Variants in MAP3K5 observed in about 807,000 individuals in gnomAD.
MAP3K5 encodes the protein ASK-1.
Under a neutral mutation model 158.7 loss-of-function variants are expected in MAP3K5, and 56 were observed. That is an observed-to-expected ratio of 0.35 (90% confidence interval 0.28 to 0.44). The LOEUF (loss-of-function observed/expected upper bound fraction) is 0.44, where lower values mean the gene tolerates loss of function less well. Among genes scored for constraint, MAP3K5 ranks in the 20% least tolerant of loss-of-function variants. MAP3K5 has a pLI of 1.00. For synonymous variants in MAP3K5, 579 were observed against 601.7 expected, an observed-to-expected ratio of 0.96 and a Z score of 0.55; for missense variants, 1,294 against 1,674.8, an observed-to-expected ratio of 0.77 and a Z score of 3.97.
At chr6:136,732,811 C>T (rs547875269) in intron 1 of MAP3K5, among the ~76,000 whole-genome samples, 1 of 152,264 alleles carries the variant, frequency 6.6e-6, no homozygotes, top group South Asian at 2.1e-4. Context: ...ATTTTTTGAA[C>T]TCTTATCTGC....
chr6:136,672,059 C>G (rs1377417004), intron 7 of MAP3K5, among the ~76,000 whole-genome samples: 1 of 151,806 alleles, frequency 6.6e-6, no homozygotes, highest in Non-Finnish European at 1.5e-5. Flanking sequence ...GAAAAATTAC[C>G]CTAAATTTCC....
intron 25 of MAP3K5, among the ~76,000 whole-genome samples, chr6:136,572,589 T>TA (rs1180878015): frequency 1.3e-5 from 2 of 152,250 alleles, no homozygotes; most frequent in Non-Finnish European, 1.5e-5. Context: ...CTGTTGACTA[T>TA]AATCTCACTT....
intron 26 of MAP3K5, among the ~76,000 whole-genome samples, chr6:136,566,687 C>G (rs1774124227): frequency 6.6e-6 from 1 of 152,182 alleles, no homozygotes; most frequent in Admixed American, 6.5e-5. Flanking sequence ...TAAGACTGCT[C>G]TATGCACATC....
At chr6:136,606,259 G>T (rs1459587068) in intron 18 of MAP3K5, among the ~76,000 whole-genome samples, 2 of 152,160 alleles carry the variant, frequency 1.3e-5, no homozygotes, top group Non-Finnish European at 2.9e-5. Flanking sequence ...GCTGAGGCAG[G>T]AGAATCAGTT....
chr6:136,784,244 G>A (rs959330254), intron 1 of MAP3K5, among the ~76,000 whole-genome samples: 5 of 152,196 alleles, frequency 3.3e-5, no homozygotes, highest in Admixed American at 1.3e-4. Flanking sequence ...AAGCAGAGCC[G>A]GTCATGACAA....
At chr6:136,635,765 G>C (rs1248810742) in intron 14 of MAP3K5, among the ~76,000 whole-genome samples, 2 of 150,422 alleles carry the variant, frequency 1.3e-5, no homozygotes, top group African/African-American at 4.9e-5. Flanking sequence ...AGCCAGGTGT[G>C]GTGGCATGCT....
chr6:136,661,612 C>T (rs1779010920), intron 8 of MAP3K5, among the ~76,000 whole-genome samples: 2 of 152,022 alleles, frequency 1.3e-5, no homozygotes, highest in Admixed American at 6.5e-5. Context: ...GTTGCCCAGC[C>T]GAACTCCTGG....
chr6:136,736,151 G>A (rs895320666), intron 1 of MAP3K5, among the ~76,000 whole-genome samples: 3 of 152,046 alleles, frequency 2.0e-5, no homozygotes, highest in Admixed American at 1.3e-4. Flanking sequence ...GTCATTTCTC[G>A]TGGTCTTAAA....
At chr6:136,757,115 C>T (rs968676822) in intron 1 of MAP3K5, among the ~76,000 whole-genome samples, 3 of 152,134 alleles carry the variant, frequency 2.0e-5, no homozygotes, top group African/African-American at 7.2e-5. Context: ...GTCATCTAGC[C>T]CAGGGAAGGT....
chr6:136,630,534 C>T (rs1277585519), intron 14 of MAP3K5, among the ~76,000 whole-genome samples: 2 of 152,204 alleles, frequency 1.3e-5, no homozygotes, highest in Non-Finnish European at 2.9e-5. Context: ...AAAACCTTAT[C>T]TAAATTTCTT....
chr6:136,617,701 A>C (rs1443455581), intron 15 of MAP3K5, among the ~76,000 whole-genome samples: 1 of 152,184 alleles, frequency 6.6e-6, no homozygotes, highest in Non-Finnish European at 1.5e-5. Context: ...TGGGAGGCCA[A>C]GGTGGGCAGA....
At chr6:136,674,815 G>T (rs973989822) in intron 7 of MAP3K5, among the ~76,000 whole-genome samples, 1 of 151,858 alleles carries the variant, frequency 6.6e-6, no homozygotes, top group African/African-American at 2.4e-5. Context: ...GATGCTCAAA[G>T]GAAATGCTCA....
At chr6:136,619,859 C>A (rs990890959) in intron 15 of MAP3K5, among the ~76,000 whole-genome samples, 1 of 152,082 alleles carries the variant, frequency 6.6e-6, no homozygotes, top group Non-Finnish European at 1.5e-5. Context: ...ATGTGGAGTG[C>A]AAGAGAAAGA....
chr6:136,712,610 T>G (rs1781355256), intron 2 of MAP3K5, among the ~76,000 whole-genome samples: 1 of 152,242 alleles, frequency 6.6e-6, no homozygotes, highest in South Asian at 2.1e-4. Context: ...TAAACTGTAT[T>G]GTTAAAGTTG....
intron 10 of MAP3K5, 99 bp from the exon 11 acceptor site, chr6:136,651,190 A>C (rs1489279699): frequency 1.7e-6 from 1 of 594,614 alleles, no homozygotes; most frequent in African/African-American, 1.9e-5. Context: ...GGATTATTGC[A>C]TGAGCTTCTG....
At chr6:136,579,719 C>T (rs73554202) in intron 25 of MAP3K5, 389 of 432,328 alleles carry the variant, frequency 9.0e-4, no homozygotes, top group African/African-American at 7.2e-3. Flanking sequence ...GGAGGCTATG[C>T]ATGTGTTAGG....
chr6:136,610,747 C>T (rs1251494542), intron 18 of MAP3K5, among the ~76,000 whole-genome samples: 2 of 150,298 alleles, frequency 1.3e-5, no homozygotes, highest in Admixed American at 6.6e-5. Flanking sequence ...CTAAGCAAGT[C>T]ATATAAATAC....
At chr6:136,778,759 T>C (rs904030335) in intron 1 of MAP3K5, among the ~76,000 whole-genome samples, 1 of 152,242 alleles carries the variant, frequency 6.6e-6, no homozygotes, top group Non-Finnish European at 1.5e-5. Flanking sequence ...CCTCAGTAGC[T>C]ATGTGACACT....
chr6:136,759,661 G>A (rs1460852107), intron 1 of MAP3K5, among the ~76,000 whole-genome samples: 1 of 151,004 alleles, frequency 6.6e-6, no homozygotes, highest in Non-Finnish European at 1.5e-5. Context: ...TTGTAGAAAC[G>A]AGGTTTTTGC....
Sources: allele counts gnomAD v4.1 joint callset (sites outside exome capture counted in the v4.1 genomes callset), GRCh38; gene constraint gnomAD v4.1.1; transcripts MANE v1.5; gene names NCBI Gene and HGNC (gene_info 2026-07-23, HGNC 2026-07-21).